The following LYPD6B variants were observed in gnomAD, a reference collection of about 807,000 sequenced individuals.
LYPD6B encodes the protein ly6/PLAUR domain-containing protein 6B.
A neutral mutation model predicts 22.8 loss-of-function variants in LYPD6B; 17 were observed. The ratio of observed to expected loss-of-function variants is 0.75; its 90% CI spans 0.51 to 1.12. The LOEUF (loss-of-function observed/expected upper bound fraction) is 1.12, where lower values mean the gene tolerates loss of function less well. Among genes scored for constraint, LYPD6B ranks in the 50% most tolerant of loss-of-function variants. LYPD6B has a pLI of 0.00. For synonymous variants in LYPD6B, 106 were observed against 91.6 expected (o/e 1.16, Z -0.90); for missense variants, 221 against 258.3 (o/e 0.86, Z 0.99).
chr2:149,041,399 C>T (rs963414543), intron 1 of LYPD6B, among the ~76,000 whole-genome samples: 9 of 152,152 alleles, frequency 5.9e-5, no homozygotes, highest in Non-Finnish European at 1.3e-4. Flanking sequence ...TAATAAAGGA[C>T]AAATTTTCCC....
intron 3 of LYPD6B, among the ~76,000 whole-genome samples, chr2:149,184,740 A>G (rs189916542): frequency 6.6e-6 from 1 of 152,218 alleles, no homozygotes; most frequent in East Asian, 1.9e-4. Context: ...TGTCATACAG[A>G]CTTGTCACCT....
At chr2:149,086,688 A>T (rs1404485844) in intron 1 of LYPD6B, among the ~76,000 whole-genome samples, 1 of 152,236 alleles carries the variant, frequency 6.6e-6, no homozygotes, top group Non-Finnish European at 1.5e-5. Context: ...AAAATATCAC[A>T]GACCCAGTGC....
chr2:149,145,105 G>A (rs893954333), intron 2 of LYPD6B, among the ~76,000 whole-genome samples: 2 of 152,144 alleles, frequency 1.3e-5, no homozygotes, highest in African/African-American at 4.8e-5. Context: ...ATTTGAAAAT[G>A]TTGAGAAACA....
chr2:149,088,771 A>G (rs1012718087), intron 1 of LYPD6B, among the ~76,000 whole-genome samples: 2 of 152,224 alleles, frequency 1.3e-5, no homozygotes, highest in Non-Finnish European at 2.9e-5. Flanking sequence ...TGTGGCATTG[A>G]CAACTTAGAG....
At chr2:149,049,078 T>C (rs1683433740) in intron 1 of LYPD6B, among the ~76,000 whole-genome samples, 1 of 152,230 alleles carries the variant, frequency 6.6e-6, no homozygotes, top group African/African-American at 2.4e-5. Flanking sequence ...GTTATTCCAA[T>C]GTAAATGGCC....
At chr2:149,065,295 C>T (rs1301940139) in intron 1 of LYPD6B, among the ~76,000 whole-genome samples, 1 of 152,204 alleles carries the variant, frequency 6.6e-6, no homozygotes. Context: ...AGGGCAGAGG[C>T]AGTCTGCCAA....
chr2:149,168,139 G>A (rs2105915431), intron 3 of LYPD6B, among the ~76,000 whole-genome samples: 1 of 150,960 alleles, frequency 6.6e-6, no homozygotes, highest in South Asian at 2.1e-4. Context: ...GAACGGGGGA[G>A]GCGGAGTTTG....
At chr2:149,053,502 C>T (rs1683656928) in intron 1 of LYPD6B, among the ~76,000 whole-genome samples, 1 of 152,118 alleles carries the variant, frequency 6.6e-6, no homozygotes, top group Non-Finnish European at 1.5e-5. Flanking sequence ...ATTTTCAAAC[C>T]TCTCTTCCAA....
At position 149,187,494 on chromosome 2, in the gene LYPD6B, T is replaced by C. The variant is rs1420168982; in HGVS notation, c.78-17759T>C. 2.0e-6 allele frequency: 3 copies of C among 1,509,900 alleles called. No homozygotes were observed. In the South Asian group the frequency reaches 3.9e-5, roughly 19 times the overall value. The allele number at this position is 1,509,900 out of a possible 1,614,324, so 93.5% of individuals were successfully genotyped here. ...CCAAACAAAGGAAATGCAGAAGAGA[T>C]ATTTTCAGCTGAATATTGGAAAGTA... On this transcript the variant is annotated intron_variant, in intron 3 of 6. Coordinates refer to ENST00000409642, the MANE Select transcript of LYPD6B (RefSeq NM_177964.5).
At chr2:149,102,371 C>T (rs944092819) in intron 1 of LYPD6B, among the ~76,000 whole-genome samples, 7 of 152,178 alleles carry the variant, frequency 4.6e-5, no homozygotes, top group Admixed American at 3.3e-4. Context: ...CACAGTAATA[C>T]AGGATTCTGA....
chr2:149,207,477 A>T (rs1404961752), intron 4 of LYPD6B, among the ~76,000 whole-genome samples: 6 of 151,668 alleles, frequency 4.0e-5, no homozygotes, highest in Non-Finnish European at 8.8e-5. Context: ...AAATTATTTT[A>T]TTTTTTTCTT....
chr2:149,192,567 C>T (rs1032769695), intron 3 of LYPD6B, among the ~76,000 whole-genome samples: 8 of 152,056 alleles, frequency 5.3e-5, no homozygotes, highest in Non-Finnish European at 4.4e-5. Context: ...CCCCTGCAGA[C>T]ACCCTTAATT....
At chr2:149,124,175 C>T (rs1398165399) in intron 1 of LYPD6B, among the ~76,000 whole-genome samples, 1 of 152,112 alleles carries the variant, frequency 6.6e-6, no homozygotes, top group Non-Finnish European at 1.5e-5. Context: ...AATGTCTTGT[C>T]CTTTTAATTC....
At chr2:149,077,300 C>T (rs1684921590) in intron 1 of LYPD6B, among the ~76,000 whole-genome samples, 1 of 152,252 alleles carries the variant, frequency 6.6e-6, no homozygotes, top group Non-Finnish European at 1.5e-5. Flanking sequence ...AGCAGTGAAA[C>T]TTACTCGCTT....
At chr2:149,149,891 A>AT (rs1450415225) in intron 2 of LYPD6B, among the ~76,000 whole-genome samples, 1 of 152,030 alleles carries the variant, frequency 6.6e-6, no homozygotes, top group Non-Finnish European at 1.5e-5. Context: ...ACCTTCCTTT[A>AT]TTGTTGTAGC....
chr2:149,206,893 G>C, intron 4 of LYPD6B, among the ~76,000 whole-genome samples: 1 of 152,034 alleles, frequency 6.6e-6, no homozygotes, highest in East Asian at 1.9e-4. Context: ...AGGCTGGTCT[G>C]TAGCTTATTT....
intron 3 of LYPD6B, among the ~76,000 whole-genome samples, chr2:149,168,211 C>CAAAA (rs386391472): frequency 4.5e-4 from 22 of 48,474 alleles, no homozygotes; most frequent in East Asian, 1.8e-3. Context: ...GGCTCTGTCT[C>CAAAA]AAAAAAAAAA....
intron 1 of LYPD6B, among the ~76,000 whole-genome samples, chr2:149,048,030 A>G (rs1341942504): frequency 1.3e-5 from 2 of 152,004 alleles, no homozygotes; most frequent in Non-Finnish European, 2.9e-5. Flanking sequence ...AATCTTTCAG[A>G]TTGTCTACCC....
At chr2:149,167,601 TG>T (rs1336635842) in intron 3 of LYPD6B, among the ~76,000 whole-genome samples, 3 of 152,146 alleles carry the variant, frequency 2.0e-5, no homozygotes, top group Admixed American at 6.5e-5. Context: ...CAGAAAATTG[TG>T]GTTCACCACA....
Sources: gnomAD v4.1 joint callset for allele counts (sites outside exome capture counted in the v4.1 genomes callset) on GRCh38, gnomAD v4.1.1 for gene constraint, MANE v1.5 for transcripts, NCBI Gene and HGNC (gene_info 2026-07-23, HGNC 2026-07-21) for gene names.